ZNF385D: variants seen among roughly 807,000 people sequenced by gnomAD.
ZNF385D encodes zinc finger protein 659.
Under a neutral mutation model 35.8 loss-of-function variants are expected in ZNF385D, and 15 were observed. The ratio of observed to expected loss-of-function variants is 0.42; its 90% confidence interval spans 0.28 to 0.64. The LOEUF is 0.64. Among genes scored for constraint, ZNF385D ranks in the 30% least tolerant of loss-of-function variants. The pLI is 0.23. For missense variants in ZNF385D, 474 were observed against 494.6 expected (o/e 0.96, Z 0.39); for synonymous variants, 212 against 186.8 (o/e 1.13, Z -1.10).
At position 22,166,944 on chromosome 3, in the gene ZNF385D, C is replaced by T. The variant is rs111516894; in HGVS notation, c.325+1873G>A. On this transcript the variant is annotated intron_variant, in intron 3 of 5. Transcript: ENST00000494108. ...TCGTGCTGTACTTGAGGTGGTTTCA[C>T]CTAGAAGTTAACAATAAGGAGTAGA... Among the ~76,000 whole-genome samples the T allele has an allele frequency of 1.3e-3, 194 of 152,276 alleles. 1 individual carries two copies. The highest frequency in any genetic ancestry group is 4.4e-3 in the African/African-American group (181 of 41,544).
chr3:21,924,113 T>C (rs1323058294), intron 3 of ZNF385D, among the ~76,000 whole-genome samples: 1 of 152,108 alleles, frequency 6.6e-6, no homozygotes, highest in East Asian at 1.9e-4. Flanking sequence ...ACTACAGAAA[T>C]AAACAATTTA....
chr3:21,856,156 T>C (rs1696700938), intron 3 of ZNF385D, among the ~76,000 whole-genome samples: 1 of 152,102 alleles, frequency 6.6e-6, no homozygotes, highest in East Asian at 1.9e-4. Flanking sequence ...GATAAATTTT[T>C]CACATGAGGT....
At position 21,664,977 on chromosome 3, in the gene ZNF385D, G is replaced by C. The variant is rs114302168; in HGVS notation, c.74C>G (p.Pro25Arg). 2 of 1,613,530 alleles carry C rather than the reference G, an allele frequency of 1.2e-6. No homozygotes were observed. Among genetic ancestry groups the C allele is most frequent in the East Asian group, 2.2e-5 (1 of 44,850 alleles). Residue 25 changes from proline (P) to arginine (R), a missense_variant, in exon 2 of 8, where the codon CCT becomes CGT. Physicochemically the swap from Pro to Arg is moderately radical, Grantham distance 103. Coordinates refer to ENST00000281523, the MANE Select transcript of ZNF385D (RefSeq NM_024697.3). ...ALPALVRPPA[P>R]PLQPSLDIKP... ...AATATCCAGCGATGGTTGCAAAGGA[G>C]GGGCTGGTGGACGGACAAGGGCCGG...
intron 3 of ZNF385D, among the ~76,000 whole-genome samples, chr3:21,892,501 T>C (rs1698920429): frequency 6.6e-6 from 1 of 152,196 alleles, no homozygotes. Context: ...TTTAAAACTA[T>C]TATTATCATT....
At chr3:22,368,426 T>C (rs922879943) in intron 2 of ZNF385D, among the ~76,000 whole-genome samples, 1 of 152,194 alleles carries the variant, frequency 6.6e-6, no homozygotes, top group African/African-American at 2.4e-5. Flanking sequence ...CTTCCTCTAA[T>C]TGCAAATTTT....
chr3:22,298,376 G>A (rs992554771), intron 2 of ZNF385D, among the ~76,000 whole-genome samples: 2 of 137,438 alleles, frequency 1.5e-5, no homozygotes, highest in African/African-American at 2.7e-5. Context: ...CAGTATGTAT[G>A]TGTGTGTGTG....
At chr3:21,861,050 G>C (rs938275631) in intron 3 of ZNF385D, among the ~76,000 whole-genome samples, 2 of 152,074 alleles carry the variant, frequency 1.3e-5, no homozygotes, top group African/African-American at 4.8e-5. Context: ...GCATAGAGCA[G>C]ACAAAGAACA....
chr3:22,318,298 T>C (rs138607824), intron 2 of ZNF385D, among the ~76,000 whole-genome samples: 7 of 152,236 alleles, frequency 4.6e-5, no homozygotes, highest in Admixed American at 1.3e-4. Context: ...TTTATCAATA[T>C]AGAAGACAAG....
intron 2 of ZNF385D, among the ~76,000 whole-genome samples, chr3:22,331,549 G>T (rs866720635): frequency 2.0e-4 from 31 of 152,190 alleles, no homozygotes; most frequent in Non-Finnish European, 2.8e-4. Flanking sequence ...TAACACCCAT[G>T]CTGTTATAAT....
intron 2 of ZNF385D, among the ~76,000 whole-genome samples, chr3:22,237,108 C>T (rs11927372): frequency 0.013 from 2,036 of 152,268 alleles, 46 homozygotes; most frequent in African/African-American, 0.046. Context: ...AAACTGATTT[C>T]CAAAGTGGCT....
chr3:21,979,110 G>A (rs1694249783), intron 3 of ZNF385D, among the ~76,000 whole-genome samples: 2 of 151,790 alleles, frequency 1.3e-5, no homozygotes, highest in South Asian at 2.1e-4. Flanking sequence ...TTTTTTCAAT[G>A]GTGACCCTGA....
intron 2 of ZNF385D, among the ~76,000 whole-genome samples, chr3:21,640,683 G>A (rs992337293): frequency 1.3e-5 from 2 of 152,074 alleles, no homozygotes; most frequent in Admixed American, 1.3e-4. Context: ...AGGCTTTTAA[G>A]CCTCCAGAAC....
At chr3:22,082,385 C>A (rs78196548) in intron 3 of ZNF385D, among the ~76,000 whole-genome samples, 2 of 152,130 alleles carry the variant, frequency 1.3e-5, no homozygotes, top group Non-Finnish European at 2.9e-5. Flanking sequence ...GCAAATGGCA[C>A]ACCAGGGGAT....
At chr3:21,522,842 A>T (rs960923971) in intron 3 of ZNF385D, among the ~76,000 whole-genome samples, 4 of 152,174 alleles carry the variant, frequency 2.6e-5, no homozygotes, top group Admixed American at 6.5e-5. Flanking sequence ...CTGCCTGGCT[A>T]TGTAGGCAGG....
At chr3:22,301,856 G>C (rs2125412945) in intron 2 of ZNF385D, among the ~76,000 whole-genome samples, 1 of 152,162 alleles carries the variant, frequency 6.6e-6, no homozygotes, top group African/African-American at 2.4e-5. Flanking sequence ...TATGTAGACA[G>C]TATCATACTG....
chr3:21,654,967 C>G (rs1217994550), intron 2 of ZNF385D, among the ~76,000 whole-genome samples: 1 of 151,994 alleles, frequency 6.6e-6, no homozygotes, highest in African/African-American at 2.4e-5. Context: ...CAACTTTACT[C>G]AAGTGATAGT....
At chr3:21,888,288 C>A (rs1465655922) in intron 3 of ZNF385D, among the ~76,000 whole-genome samples, 2 of 151,892 alleles carry the variant, frequency 1.3e-5, no homozygotes, top group African/African-American at 4.8e-5. Context: ...TAGAAAAAAT[C>A]TTTTATATTG....
At chr3:21,583,946 T>TTTTACTTA (rs1176743949) in intron 2 of ZNF385D, among the ~76,000 whole-genome samples, 21 of 137,230 alleles carry the variant, frequency 1.5e-4, no homozygotes, top group South Asian at 2.2e-4. Flanking sequence ...CATGTATTTA[T>TTTTACTTA]TTTACTTATT....
At chr3:22,163,876 C>G (rs1055399110) in intron 3 of ZNF385D, among the ~76,000 whole-genome samples, 2 of 150,736 alleles carry the variant, frequency 1.3e-5, no homozygotes, top group African/African-American at 4.9e-5. Context: ...ATTCCCATAT[C>G]TTTTTCTAAA....
Sources: allele counts gnomAD v4.1 joint callset (sites outside exome capture counted in the v4.1 genomes callset), GRCh38; gene constraint gnomAD v4.1.1; transcripts MANE v1.5; gene names NCBI Gene and HGNC (gene_info 2026-07-23, HGNC 2026-07-21).